SORBS2: variants seen among roughly 807,000 people sequenced by gnomAD.
The protein encoded by SORBS2 is sorbin and SH3 domain-containing protein 2.
A neutral mutation model predicts 97.7 loss-of-function variants in SORBS2; 46 were observed. That is an observed-to-expected ratio of 0.47 (90% CI 0.37 to 0.60). The LOEUF is 0.60. Among genes scored for constraint, SORBS2 ranks in the 20% least tolerant of loss-of-function variants. The pLI, the probability that SORBS2 is intolerant of heterozygous loss-of-function variation, is 0.00. For missense variants in SORBS2, 1,316 were observed against 1,282.3 expected (o/e 1.03, Z -0.40); for synonymous variants, 476 against 473.4 (o/e 1.01, Z -0.07).
At chr4:185,716,806 G>A (rs929271307) in intron 2 of SORBS2, among the ~76,000 whole-genome samples, 3 of 152,186 alleles carry the variant, frequency 2.0e-5, no homozygotes, top group African/African-American at 4.8e-5. Context: ...GACTGCGCAG[G>A]CGGGTCAGAG....
At chr4:185,688,871 A>G (rs1268878310) in intron 2 of SORBS2, among the ~76,000 whole-genome samples, 1 of 151,418 alleles carries the variant, frequency 6.6e-6, no homozygotes, top group Non-Finnish European at 1.5e-5. Context: ...ATGTTTGAAT[A>G]CCATATTTTC....
chr4:185,898,865 G>A (rs1432260721), intron 1 of SORBS2, among the ~76,000 whole-genome samples: 1 of 152,198 alleles, frequency 6.6e-6, no homozygotes, highest in Non-Finnish European at 1.5e-5. Flanking sequence ...AGGCGATTAT[G>A]CTAGTATAAC....
At chr4:185,868,305 T>TACCC (rs1561251002) in intron 1 of SORBS2, among the ~76,000 whole-genome samples, 1 of 151,126 alleles carries the variant, frequency 6.6e-6, no homozygotes. Context: ...TACAGGCGTG[T>TACCC]GCCACCATGC....
chr4:185,696,546 C>A (rs953911067), intron 2 of SORBS2, among the ~76,000 whole-genome samples: 25 of 152,108 alleles, frequency 1.6e-4, no homozygotes, highest in Admixed American at 3.9e-4. Flanking sequence ...CTCTGCCTCC[C>A]GGGGTCAAGT....
intron 12 of SORBS2, among the ~76,000 whole-genome samples, chr4:185,594,692 T>C (rs981608155): frequency 1.3e-5 from 2 of 152,200 alleles, no homozygotes; most frequent in Non-Finnish European, 2.9e-5. Context: ...TGACAAGCCT[T>C]AGCATCCCAT....
At chr4:185,863,845 C>T (rs547887592) in intron 1 of SORBS2, among the ~76,000 whole-genome samples, 37 of 152,256 alleles carry the variant, frequency 2.4e-4, no homozygotes, top group Admixed American at 4.6e-4. Context: ...CTTTAATTTT[C>T]TCCCCATTTT....
At chr4:185,809,483 T>C (rs1369985087) in intron 1 of SORBS2, among the ~76,000 whole-genome samples, 2 of 37,528 alleles carry the variant, frequency 5.3e-5, no homozygotes, top group African/African-American at 1.0e-4. Flanking sequence ...AAAAAAAAAA[T>C]CTGATATAGT....
At chr4:185,656,235 A>G (rs991020591) in intron 1 of SORBS2, among the ~76,000 whole-genome samples, 3 of 152,190 alleles carry the variant, frequency 2.0e-5, no homozygotes, top group African/African-American at 7.2e-5. Context: ...TCCTCAATCT[A>G]AAGAGTCTAA....
chr4:185,781,612 G>A (rs530313730), intron 1 of SORBS2, among the ~76,000 whole-genome samples: 13 of 135,484 alleles, frequency 9.6e-5, no homozygotes, highest in South Asian at 2.4e-4. Flanking sequence ...CCTTGCCTCC[G>A]GCCCCTCCAG....
intron 4 of SORBS2, among the ~76,000 whole-genome samples, chr4:185,670,372 G>A (rs1311595204): frequency 1.3e-5 from 2 of 152,052 alleles, no homozygotes; most frequent in African/African-American, 2.4e-5. Context: ...ATGAAAACAG[G>A]TATAAGGAAG....
chr4:185,598,150 C>T lies in SORBS2; in HGVS notation c.2797-4215G>A, dbSNP rs543367820. Among the ~76,000 whole-genome samples the T allele has an allele frequency of 2.6e-5, 4 of 152,316 alleles. No homozygotes were observed. In the South Asian group the frequency reaches 8.3e-4, roughly 32 times the overall value. ...ACCTAGAAAGATGGCTTTCAACTGA[C>T]ACATTACAATCACTGTGCTGGGCAT... On this transcript the variant is annotated intron_variant, in intron 12 of 14. Transcript: ENST00000418609.
intron 1 of SORBS2, among the ~76,000 whole-genome samples, chr4:185,899,744 G>C (rs1167519589): frequency 1.3e-5 from 2 of 152,206 alleles, no homozygotes. Context: ...GTTTGGGGGA[G>C]CCAAGTGTTA....
Position 185,756,975 on chromosome 4 carries a change from C to A in SORBS2, c.-198+18252G>T, listed in dbSNP as rs917631650. ...ATTTTGGTCCATTAATTCACCCGCTCGCTCCTGGAGGACGTTAACCAATTC... is the reference window on the plus strand; with the variant it reads ...ATTTTGGTCCATTAATTCACCCGCTAGCTCCTGGAGGACGTTAACCAATTC... On this transcript the variant is annotated intron_variant, in intron 2 of 20. Transcript: ENST00000284776. 8.3e-6 allele frequency: 12 copies of A among 1,452,530 alleles called. No homozygotes were observed. The African/African-American group carries it at 1.3e-4, about 15-fold the overall frequency. The allele number at this position is 1,452,530 out of a possible 1,614,324, so 90.0% of individuals were successfully genotyped here.
In SORBS2 at chr4:185,875,553, T is replaced by C. The variant is rs867830511; in HGVS notation, c.-338+80643A>G. ...TAGAGAGTGACTTTTCATTTTACAG[T>C]GCTTAGTTTTAAAAAATTATGCACA... On this transcript the variant is annotated intron_variant, in intron 1 of 20. Coordinates refer to the SORBS2 transcript ENST00000284776. Among the ~76,000 whole-genome samples, 6 of 152,346 alleles carry C rather than the reference T, an allele frequency of 3.9e-5. 1 individual carries two copies. In the South Asian group the frequency reaches 6.2e-4, roughly 16 times the overall value.
chr4:185,736,354 T>G (rs2098687712), intron 2 of SORBS2, among the ~76,000 whole-genome samples: 1 of 152,224 alleles, frequency 6.6e-6, no homozygotes, highest in South Asian at 2.1e-4. Context: ...CAAATTGATG[T>G]TCTCATTTAA....
chr4:185,633,270 C>T (rs2096936693), intron 4 of SORBS2, among the ~76,000 whole-genome samples: 2 of 151,968 alleles, frequency 1.3e-5, no homozygotes, highest in Admixed American at 1.3e-4. Context: ...TTTGTTTTTA[C>T]CAGAAATGTT....
intron 13 of SORBS2, 185 bp from the exon 26 acceptor site, chr4:185,589,970 T>C (rs1452539289): frequency 4.2e-6 from 2 of 475,882 alleles, no homozygotes; most frequent in Non-Finnish European, 7.5e-6. Context: ...AGCAGGTACA[T>C]AGCAATATGT....
In SORBS2 at chr4:185,602,093, C is replaced by G. The variant is rs570953958; in HGVS notation, c.2797-8158G>C. 1.6e-4 allele frequency among the ~76,000 whole-genome samples: 24 copies of G among 151,862 alleles called. No homozygotes were observed. The South Asian group carries it at 4.8e-3, about 30-fold the overall frequency. On this transcript the variant is annotated intron_variant, in intron 12 of 14. Coordinates refer to ENST00000418609, the Ensembl canonical transcript of SORBS2. ...TGGCACGGTCTCGGCTCACTGCAAC[C>G]TCTGCCTCCCGGGTTCAAGCAATTC... is the stretch of plus-strand genomic sequence containing the variant.
intron 12 of SORBS2, among the ~76,000 whole-genome samples, chr4:185,595,510 A>T (rs1471364823): frequency 6.6e-6 from 1 of 152,196 alleles, no homozygotes; most frequent in African/African-American, 2.4e-5. Context: ...AGCCTGTATC[A>T]TATTACCTAT....
Sources: allele counts gnomAD v4.1 joint callset (sites outside exome capture counted in the v4.1 genomes callset), GRCh38; gene constraint gnomAD v4.1.1; transcripts MANE v1.5; gene names NCBI Gene and HGNC (gene_info 2026-07-23, HGNC 2026-07-21).